Variants in FHIT observed in about 807,000 individuals in gnomAD.
FHIT encodes the protein fragile histidine triad diadenosine triphosphatase.
Under a neutral mutation model 17.9 loss-of-function variants are expected in FHIT, and 19 were observed. The observed-to-expected ratio is 1.06, with a 90% CI of 0.74 to 1.56. The LOEUF is 1.56. FHIT is among the 40% of genes most tolerant of loss of function. FHIT has a pLI of 0.00. For synonymous variants in FHIT, 81 were observed against 69.7 expected, an observed-to-expected ratio of 1.16 and a Z score of -0.81; for missense variants, 248 against 189.2, an observed-to-expected ratio of 1.31 and a Z score of -1.82.
rs2040596993 is a variant in FHIT at position 61,250,565 on chromosome 3, C to G, written c.-213+736G>C. Among the ~76,000 whole-genome samples the G allele has an allele frequency of 2.0e-5, 3 of 152,258 alleles. No homozygotes were observed. The South Asian group carries it at 6.2e-4, about 31-fold the overall frequency. ...CAGATAAGCGCTGTGAGTGGCTGTTCCAAGGTAACACAGCGAGGGCAGAAT... is the reference window on the plus strand; with the variant it reads ...CAGATAAGCGCTGTGAGTGGCTGTTGCAAGGTAACACAGCGAGGGCAGAAT... On this transcript the variant is annotated intron_variant, in intron 1 of 9. Transcript: ENST00000492590.
intron 5 of FHIT, among the ~76,000 whole-genome samples, chr3:60,086,978 T>C (rs1201718564): frequency 6.6e-6 from 1 of 152,240 alleles, no homozygotes; most frequent in Admixed American, 6.5e-5. Flanking sequence ...TCTCTGTCTA[T>C]GCTTTCAGAG....
chr3:61,243,169 C>T (rs1044665976), intron 1 of FHIT, among the ~76,000 whole-genome samples: 2 of 152,122 alleles, frequency 1.3e-5, no homozygotes, highest in Non-Finnish European at 2.9e-5. Context: ...TCTCTTTCAC[C>T]GTCATAATTT....
chr3:60,826,938 T>C (rs1702146651), intron 3 of FHIT, among the ~76,000 whole-genome samples: 1 of 152,294 alleles, frequency 6.6e-6, no homozygotes, highest in East Asian at 1.9e-4. Context: ...CATATTTCTC[T>C]CTTTAAAGCA....
chr3:59,977,619 C>T (rs1708472526), intron 7 of FHIT, among the ~76,000 whole-genome samples: 2 of 152,180 alleles, frequency 1.3e-5, no homozygotes. Context: ...TTGATAGAGT[C>T]AGCCGCGTTG....
intron 5 of FHIT, among the ~76,000 whole-genome samples, chr3:60,193,707 C>T (rs567455877): frequency 2.0e-5 from 3 of 152,136 alleles, no homozygotes; most frequent in African/African-American, 7.2e-5. Context: ...GATGCCACAT[C>T]CTGACCCTGC....
Position 60,217,868 on chromosome 3 carries a change from A to T in FHIT, c.104-203716T>A, listed in dbSNP as rs531367120. ...TGCAATCAACTGCAATATGTTATGT[A>T]TCCTTTTATATCTCTCATGGGATCA... On this transcript the variant is annotated intron_variant, in intron 5 of 9. Coordinates refer to ENST00000492590, the MANE Select transcript of FHIT (RefSeq NM_002012.4). Among the ~76,000 whole-genome samples, 3 of 152,298 alleles carry T rather than the reference A, an allele frequency of 2.0e-5. No homozygotes were observed. In the South Asian group the frequency reaches 6.2e-4, roughly 32 times the overall value.
intron 5 of FHIT, among the ~76,000 whole-genome samples, chr3:60,114,408 T>A (rs535208818): frequency 2.0e-5 from 3 of 150,604 alleles, no homozygotes; most frequent in African/African-American, 7.3e-5. Flanking sequence ...GACTCTCCCA[T>A]TGTTTCTTGT....
intron 5 of FHIT, among the ~76,000 whole-genome samples, chr3:60,129,293 C>T (rs1246668765): frequency 4.6e-5 from 7 of 151,882 alleles, no homozygotes; most frequent in South Asian, 2.1e-4. Flanking sequence ...ACTCATGATC[C>T]GACCTCTCAA....
rs371625326 is a variant in FHIT, at chr3:60,979,563, G to A, written c.-111+62484C>T. Among the ~76,000 whole-genome samples the A allele has an allele frequency of 1.6e-4, 24 of 152,262 alleles. No homozygotes were observed. In the South Asian group the frequency reaches 5.0e-3, roughly 32 times the overall value. ...TCTGGCAGTTCTCCAGGGCAGACAG[G>A]GCTGGCAGCGGATGGGTGTTATAAC... is the stretch of plus-strand genomic sequence containing the variant. On this transcript the variant is annotated intron_variant, in intron 3 of 9. Coordinates refer to ENST00000492590, the MANE Select transcript of FHIT (RefSeq NM_002012.4).
At chr3:60,705,009 T>G (rs1431525532) in intron 4 of FHIT, among the ~76,000 whole-genome samples, 1 of 151,028 alleles carries the variant, frequency 6.6e-6, no homozygotes, top group African/African-American at 2.4e-5. Context: ...AACCCATAGG[T>G]GTTTCTTTAG....
At chr3:60,524,527 G>C (rs771861007) in intron 5 of FHIT, among the ~76,000 whole-genome samples, 12 of 152,236 alleles carry the variant, frequency 7.9e-5, no homozygotes, top group Middle Eastern at 6.8e-3. Flanking sequence ...AGCGAATGTG[G>C]GGAGCTTTGA....
chr3:59,961,081 A>C (rs1707655227), intron 7 of FHIT, among the ~76,000 whole-genome samples: 1 of 152,352 alleles, frequency 6.6e-6, no homozygotes, highest in African/African-American at 2.4e-5. Context: ...TTGAGGCCTA[A>C]AGAATTTCCC....
At chr3:61,006,412 C>T (rs1264603858) in intron 3 of FHIT, among the ~76,000 whole-genome samples, 1 of 151,800 alleles carries the variant, frequency 6.6e-6, no homozygotes, top group Non-Finnish European at 1.5e-5. Flanking sequence ...TGCTAAAAAG[C>T]AAAATTATCC....
At chr3:61,120,081 C>T (rs2036412239) in intron 2 of FHIT, among the ~76,000 whole-genome samples, 1 of 152,180 alleles carries the variant, frequency 6.6e-6, no homozygotes, top group Admixed American at 6.5e-5. Context: ...CAGCTGAGAG[C>T]ATGAGCTCAA....
intron 4 of FHIT, among the ~76,000 whole-genome samples, chr3:60,546,713 TAA>T (rs1370394009): frequency 8.5e-5 from 13 of 152,184 alleles, no homozygotes; most frequent in African/African-American, 2.9e-4. Context: ...TTTGAGTGGA[TAA>T]AGAGTCTCAG....
At chr3:60,532,111 C>A (rs1201407358) in intron 5 of FHIT, among the ~76,000 whole-genome samples, 2 of 152,118 alleles carry the variant, frequency 1.3e-5, no homozygotes, top group East Asian at 1.9e-4. Context: ...TTTTTAATAA[C>A]TGATTCAATA....
chr3:59,756,191 G>C (rs1701209312), intron 8 of FHIT, among the ~76,000 whole-genome samples: 1 of 151,310 alleles, frequency 6.6e-6, no homozygotes, highest in Non-Finnish European at 1.5e-5. Flanking sequence ...TGGTTCCCCA[G>C]TGATCTGTAT....
chr3:60,642,507 G>T (rs146847408), intron 4 of FHIT, among the ~76,000 whole-genome samples: 1 of 152,260 alleles, frequency 6.6e-6, no homozygotes, highest in East Asian at 1.9e-4. Flanking sequence ...TGGGGGAAAC[G>T]GTAAGGAGCT....
chr3:61,235,587 A>G (rs578020840), intron 1 of FHIT, among the ~76,000 whole-genome samples: 2 of 152,242 alleles, frequency 1.3e-5, no homozygotes, highest in East Asian at 3.9e-4. Flanking sequence ...CTGTAGTCCC[A>G]GCTACTTGGG....
Sources: gnomAD v4.1 joint callset for allele counts (sites outside exome capture counted in the v4.1 genomes callset) on GRCh38, gnomAD v4.1.1 for gene constraint, MANE v1.5 for transcripts, NCBI Gene and HGNC (gene_info 2026-07-23, HGNC 2026-07-21) for gene names.